COL13A1: variants seen among roughly 807,000 people sequenced by gnomAD.
The protein encoded by COL13A1 is collagen alpha-1(XIII) chain.
Under a neutral mutation model 130.9 loss-of-function variants are expected in COL13A1, and 89 were observed. The observed-to-expected ratio is 0.68, with a 90% CI of 0.57 to 0.81. The LOEUF is 0.81. Ranked by LOEUF, COL13A1 falls within the 30% of genes least tolerant of loss-of-function variation. The pLI, the probability that COL13A1 is intolerant of heterozygous loss-of-function variation, is 0.00. For missense variants in COL13A1, 879 were observed against 934.6 expected, an observed-to-expected ratio of 0.94 and a Z score of 0.78; for synonymous variants, 402 against 341.6, an observed-to-expected ratio of 1.18 and a Z score of -1.95.
chr10:69,885,162 G>A (rs1405375764), intron 7 of COL13A1, among the ~76,000 whole-genome samples: 3 of 152,072 alleles, frequency 2.0e-5, no homozygotes, highest in Admixed American at 2.0e-4. Context: ...TTTTAAACAT[G>A]ACACAAAACC....
intron 25 of COL13A1, among the ~76,000 whole-genome samples, chr10:69,925,360 A>C (rs938510370): frequency 6.6e-6 from 1 of 152,234 alleles, no homozygotes; most frequent in South Asian, 2.1e-4. Flanking sequence ...TTAACCTTTT[A>C]TCTGTAGCTG....
intron 2 of COL13A1, among the ~76,000 whole-genome samples, chr10:69,850,068 A>G (rs1854312981): frequency 6.6e-6 from 1 of 152,170 alleles, no homozygotes; most frequent in Admixed American, 6.5e-5. Flanking sequence ...CCCTGGAGCC[A>G]TAAAACTCCC....
intron 17 of COL13A1, among the ~76,000 whole-genome samples, chr10:69,909,246 C>A (rs1011850764): frequency 1.4e-4 from 21 of 152,212 alleles, no homozygotes; most frequent in Non-Finnish European, 2.5e-4. Context: ...TCTCATGAGG[C>A]ACTGAGGAGA....
intron 17 of COL13A1, among the ~76,000 whole-genome samples, chr10:69,916,065 C>T (rs1565049306): frequency 6.6e-6 from 1 of 152,192 alleles, no homozygotes; most frequent in African/African-American, 2.4e-5. Context: ...ATGGAAGACC[C>T]ATCACGGAGG....
intron 7 of COL13A1, among the ~76,000 whole-genome samples, chr10:69,882,532 GC>G (rs1310655766): frequency 6.6e-6 from 1 of 152,214 alleles, no homozygotes; most frequent in African/African-American, 2.4e-5. Context: ...CTCCTTCACA[GC>G]TGTGAGGCAG....
At chr10:69,926,965 T>A (rs1341959951) in intron 26 of COL13A1, 122 bp from the exon 27 acceptor site, 2 of 1,362,992 alleles carry the variant, frequency 1.5e-6, no homozygotes, top group African/African-American at 2.9e-5. Flanking sequence ...CCTGCAAGCG[T>A]CTCCCTCCAC....
At position 69,932,595 on chromosome 10, in the gene COL13A1, A is replaced by G. The variant is rs774539729; in HGVS notation, c.1719A>G (p.Pro573=). 5.0e-6 allele frequency: 8 copies of G among 1,606,580 alleles called. No individual in the cohort carries two copies. Among genetic ancestry groups the G allele is most frequent in the Non-Finnish European group, 6.8e-6 (8 of 1,173,378 alleles). ...GAGAAGCCGGGGAGAAGGGCAATCC[A>G]GGAGCAGAGGTACATGAGAGATAAT... The part of the protein sequence containing the change: ...EKGEAGEKGN[P]GAEVPGLPGP... The change falls in exon 31 of 41, where the codon CCA becomes CCG. Residue 573 remains proline, a synonymous_variant. Transcript: ENST00000645393.
intron 3 of COL13A1, among the ~76,000 whole-genome samples, chr10:69,868,994 C>T (rs2058797276): frequency 6.6e-6 from 1 of 152,208 alleles, no homozygotes; most frequent in African/African-American, 2.4e-5. Context: ...CAACTGCCCC[C>T]ACCCTGCCTT....
intron 32 of COL13A1, among the ~76,000 whole-genome samples, chr10:69,936,292 C>G (rs866130126): frequency 1.3e-5 from 2 of 152,110 alleles, no homozygotes; most frequent in African/African-American, 4.8e-5. Flanking sequence ...CCCCAAGCAC[C>G]CTGAAGCAAC....
intron 32 of COL13A1, 58 bp downstream of exon 32, chr10:69,935,449 CA>C: frequency 1.5e-6 from 2 of 1,314,250 alleles, no homozygotes; most frequent in African/African-American, 3.0e-5. Flanking sequence ...CCACAGCAGT[CA>C]CTGGGCTCAA....
chr10:69,937,968 G>T (rs1238126338), intron 34 of COL13A1, among the ~76,000 whole-genome samples: 1 of 152,252 alleles, frequency 6.6e-6, no homozygotes, highest in African/African-American at 2.4e-5. Context: ...GCACTGAGCT[G>T]GGAGGGCAGC....
intron 36 of COL13A1, among the ~76,000 whole-genome samples, chr10:69,944,437 CTT>C (rs2068137758): frequency 2.6e-5 from 4 of 152,160 alleles, no homozygotes; most frequent in Non-Finnish European, 5.9e-5. Context: ...GGGAGGATCA[CTT>C]GAGCTCAGGA....
chr10:69,897,353 C>A lies in COL13A1; in HGVS notation c.685-1344C>A, dbSNP rs1589374912. On this transcript the variant is annotated intron_variant, in intron 13 of 40. Coordinates refer to ENST00000645393, the MANE Select transcript of COL13A1 (RefSeq NM_001368882.1). ...CCAGGTGGCCCCTCCTCCATTCCAG[C>A]CTGTGGCTTCCCCAGGGAGGGAGAG... 7.7e-6 allele frequency: 8 copies of A among 1,042,178 alleles called. No homozygotes were observed. The East Asian group carries it at 2.1e-4, about 28-fold the overall frequency. The allele number at this position is 1,042,178 out of a possible 1,614,324, so 64.6% of individuals were successfully genotyped here. A position where few individuals can be genotyped will look rare whatever the true frequency, so the allele number is the denominator to read the frequency against.
intron 10 of COL13A1, among the ~76,000 whole-genome samples, chr10:69,891,926 T>C (rs554956552): frequency 1.3e-4 from 20 of 152,290 alleles, no homozygotes; most frequent in African/African-American, 4.6e-4. Context: ...AGTGGAGTCT[T>C]ACCCCTCGAT....
intron 34 of COL13A1, 39 bp from the exon 35 acceptor site, chr10:69,940,949 T>C (rs1018864164): frequency 4.3e-6 from 7 of 1,613,758 alleles, no homozygotes; most frequent in African/African-American, 1.3e-5. Context: ...CCCAATCCTC[T>C]CTTCCCCTTC....
chr10:69,872,053 C>A, intron 3 of COL13A1, 131 bp from the exon 4 acceptor site: 2 of 1,036,504 alleles, frequency 1.9e-6, no homozygotes. Flanking sequence ...GCTCCCCCTT[C>A]GTTTTGTTCA....
chr10:69,829,457 G>C (rs778369007), intron 2 of COL13A1, among the ~76,000 whole-genome samples: 7 of 152,234 alleles, frequency 4.6e-5, no homozygotes, highest in Non-Finnish European at 1.0e-4. Context: ...TGGTGCTGCT[G>C]GTTGTCTGAC....
chr10:69,946,196 G>A lies in COL13A1; in HGVS notation c.2022+472G>A, dbSNP rs140719754. Among the ~76,000 whole-genome samples the A allele has an allele frequency of 6.9e-3, 1,048 of 152,332 alleles. 6 individuals carry two copies. The highest frequency in any genetic ancestry group is 0.027 in the Middle Eastern group (8 of 294). ...AGCTGCCAAGAGGCAACTGGTGATA[G>A]GCTAGCATGCCCTGCTGGGCATTGC... On this transcript the variant is annotated intron_variant, in intron 37 of 40. Coordinates refer to ENST00000645393, the MANE Select transcript of COL13A1 (RefSeq NM_001368882.1).
Position 69,802,238 on chromosome 10 carries a change from T to C in COL13A1, c.-186T>C. 1.5e-6 allele frequency: 1 copy of C among 661,050 alleles called. No homozygotes were observed. Among genetic ancestry groups the C allele is most frequent in the Non-Finnish European group, 2.3e-6 (1 of 436,000 alleles). 40.9% of individuals were successfully genotyped at this position (661,050 alleles called of 1,614,324 possible). A position where few individuals can be genotyped will look rare whatever the true frequency, so the allele number is the denominator to read the frequency against. The stretch of plus-strand genomic sequence containing the variant: ...GTACCCCAATTACCGCTGGTTGTGC[T>C]TTTTCGGCACTTCCTCTCCTACTGC... On this transcript the variant is annotated 5_prime_UTR_variant, in exon 1 of 41. Coordinates refer to ENST00000645393, the MANE Select transcript of COL13A1 (RefSeq NM_001368882.1).
Sources: allele counts gnomAD v4.1 joint callset (sites outside exome capture counted in the v4.1 genomes callset), GRCh38; gene constraint gnomAD v4.1.1; transcripts MANE v1.5; gene names NCBI Gene and HGNC (gene_info 2026-07-23, HGNC 2026-07-21).